Variants in CHP1 observed in about 807,000 individuals in gnomAD.
CHP1 encodes the protein calcineurin like EF-hand protein 1.
A neutral mutation model predicts 27.4 loss-of-function variants in CHP1; 11 were observed. The ratio of observed to expected loss-of-function variants is 0.40; its 90% CI spans 0.25 to 0.67. The LOEUF is 0.67. Among genes scored for constraint, CHP1 ranks in the 30% least tolerant of loss-of-function variants. The probability of loss-of-function intolerance (pLI) is 0.38; values close to 1 mark genes in which losing one functional copy is unlikely to be tolerated. For synonymous variants in CHP1, 89 were observed against 87.4 expected, an observed-to-expected ratio of 1.02 and a Z score of -0.10; for missense variants, 169 against 251.3, an observed-to-expected ratio of 0.67 and a Z score of 2.22.
At chr15:41,279,258 A>C in intron 6 of CHP1, 78 bp from the exon 7 acceptor site, 2 of 1,180,898 alleles carry the variant, frequency 1.7e-6, no homozygotes, top group South Asian at 1.3e-5. Context: ...GGAAGGGGGG[A>C]AAACATTACT....
intron 1 of CHP1, among the ~76,000 whole-genome samples, chr15:41,241,431 CT>C (rs2047306544): frequency 6.6e-6 from 1 of 152,214 alleles, no homozygotes. Flanking sequence ...CTTTCATTGA[CT>C]GGTGAGTTCG....
chr15:41,261,272 AC>A (rs2047431794), intron 3 of CHP1, among the ~76,000 whole-genome samples: 1 of 151,086 alleles, frequency 6.6e-6, no homozygotes, highest in Non-Finnish European at 1.5e-5. Flanking sequence ...CTCCTGCCTC[AC>A]CCTCCCGAGT....
intron 1 of CHP1, among the ~76,000 whole-genome samples, chr15:41,234,667 A>G (rs1001675939): frequency 6.6e-6 from 1 of 152,236 alleles, no homozygotes; most frequent in Non-Finnish European, 1.5e-5. Context: ...CCTCAGTTTC[A>G]TCATCTGTAA....
intron 3 of CHP1, among the ~76,000 whole-genome samples, chr15:41,261,500 G>A (rs1436833765): frequency 6.6e-6 from 1 of 152,092 alleles, no homozygotes; most frequent in East Asian, 1.9e-4. Context: ...GGTAGAACTC[G>A]GATCAGTATT....
chr15:41,254,165 A>G (rs1330140592), intron 2 of CHP1, among the ~76,000 whole-genome samples: 1 of 152,154 alleles, frequency 6.6e-6, no homozygotes, highest in Non-Finnish European at 1.5e-5. Context: ...CATTATATAT[A>G]CAATCTAAAT....
intron 3 of CHP1, among the ~76,000 whole-genome samples, chr15:41,258,376 CAT>C (rs911664588): frequency 6.6e-6 from 1 of 152,122 alleles, no homozygotes; most frequent in Non-Finnish European, 1.5e-5. Flanking sequence ...GTTTTATTAA[CAT>C]ATTATCCAGT....
chr15:41,259,266 G>A (rs1483159075), intron 3 of CHP1, among the ~76,000 whole-genome samples: 2 of 152,124 alleles, frequency 1.3e-5, no homozygotes, highest in African/African-American at 4.8e-5. Flanking sequence ...AGTCACCATT[G>A]ATTACTTGAA....
chr15:41,244,718 A>G (rs1386442302), intron 2 of CHP1, among the ~76,000 whole-genome samples: 1 of 152,198 alleles, frequency 6.6e-6, no homozygotes, highest in Non-Finnish European at 1.5e-5. Flanking sequence ...ACTCTGGTCT[A>G]GGTAAGTATA....
In CHP1 at chr15:41,256,885, T is replaced by C. The variant is rs750275891; in HGVS notation, c.141-25T>C. ...CATGCTAAGGGCAATGATCTCTATC[T>C]AACTCAAGGTGATTCTCTTGGCAGC... On this transcript the variant is annotated intron_variant, in intron 2 of 6. Transcript: ENST00000334660. 2.5e-6 allele frequency: 4 copies of C among 1,607,172 alleles called. No individual in the cohort carries two copies. The East Asian group carries it at 8.9e-5, about 36-fold the overall frequency.
At chr15:41,270,668 T>C in intron 5 of CHP1, 50 bp downstream of exon 5, 1 of 1,367,554 alleles carries the variant, frequency 7.3e-7, no homozygotes, top group Non-Finnish European at 1.0e-6. Context: ...GCCTGCTTAT[T>C]AGTGTGGGCA....
At chr15:41,251,232 A>G (rs1422353143) in intron 2 of CHP1, among the ~76,000 whole-genome samples, 1 of 152,202 alleles carries the variant, frequency 6.6e-6, no homozygotes, top group African/African-American at 2.4e-5. Flanking sequence ...AGGGAAGACT[A>G]TCCAGCCTCC....
In CHP1 at chr15:41,278,752, C is replaced by T. The variant is rs780562985; in HGVS notation, c.412-15C>T. 1 of 1,613,928 alleles carries T rather than the reference C, an allele frequency of 6.2e-7. No individual in the cohort carries two copies. The highest frequency in any genetic ancestry group is 8.5e-7 in the Non-Finnish European group (1 of 1,179,870). On this transcript the variant is annotated splice_polypyrimidine_tract_variant and intron_variant, in intron 5 of 6. Coordinates refer to ENST00000334660, the MANE Select transcript of CHP1 (RefSeq NM_007236.5). ...TTCCCAAGGCCCTTGTAATTCCTGG[C>T]TCTTGGTCTTCCAGGTGCTACGCAT...
At chr15:41,273,664 G>T (rs2047503072) in intron 5 of CHP1, among the ~76,000 whole-genome samples, 1 of 150,386 alleles carries the variant, frequency 6.6e-6, no homozygotes, top group Non-Finnish European at 1.5e-5. Context: ...CAGCTTGCCT[G>T]GCCTCACCAT....
At chr15:41,244,239 A>G in intron 2 of CHP1, among the ~76,000 whole-genome samples, 1 of 151,642 alleles carries the variant, frequency 6.6e-6, no homozygotes, top group East Asian at 1.9e-4. Context: ...AATTAAATGC[A>G]TTAACAGATG....
intron 5 of CHP1, among the ~76,000 whole-genome samples, chr15:41,277,317 A>G (rs893879089): frequency 6.6e-6 from 1 of 152,200 alleles, no homozygotes; most frequent in Admixed American, 6.5e-5. Flanking sequence ...TACTATATGC[A>G]GTTGTAACAT....
At chr15:41,241,599 G>T (rs1238216064) in intron 1 of CHP1, among the ~76,000 whole-genome samples, 1 of 152,228 alleles carries the variant, frequency 6.6e-6, no homozygotes, top group African/African-American at 2.4e-5. Flanking sequence ...CTCCTTAGTG[G>T]CTGGATCCCT....
chr15:41,239,103 AT>A (rs1426061730), intron 1 of CHP1, among the ~76,000 whole-genome samples: 2 of 152,130 alleles, frequency 1.3e-5, no homozygotes, highest in Non-Finnish European at 2.9e-5. Context: ...ATTGCTTTAT[AT>A]TCTTTGTCAC....
chr15:41,243,801 T>G (rs910563052), intron 2 of CHP1, 62 bp downstream of exon 2: 2 of 1,401,092 alleles, frequency 1.4e-6, no homozygotes, highest in African/African-American at 1.4e-5. Flanking sequence ...AGTGTCTGAA[T>G]AGCTGCCTTT....
At chr15:41,251,093 A>G (rs1461080822) in intron 2 of CHP1, among the ~76,000 whole-genome samples, 1 of 152,092 alleles carries the variant, frequency 6.6e-6, no homozygotes, top group Non-Finnish European at 1.5e-5. Context: ...CAGCCTCCCA[A>G]AGTGCTAGGA....
Sources: gnomAD v4.1 joint callset for allele counts (sites outside exome capture counted in the v4.1 genomes callset) on GRCh38, gnomAD v4.1.1 for gene constraint, MANE v1.5 for transcripts, NCBI Gene and HGNC (gene_info 2026-07-23, HGNC 2026-07-21) for gene names.